Variants in OS9 observed in about 807,000 individuals in gnomAD.
The protein encoded by OS9 is OS9 endoplasmic reticulum lectin.
OS9 carries 58 observed loss-of-function variants against 84.7 expected under a neutral mutation model. The observed-to-expected ratio is 0.68, with a 90% CI of 0.55 to 0.85. The LOEUF is 0.85. Ranked by LOEUF, OS9 falls within the 40% of genes least tolerant of loss-of-function variation. The pLI is 0.00. For synonymous variants in OS9, 278 were observed against 320.8 expected, an observed-to-expected ratio of 0.87 and a Z score of 1.43; for missense variants, 760 against 850.9, an observed-to-expected ratio of 0.89 and a Z score of 1.33.
Position 57,697,930 on chromosome 12 carries a change from C to T in OS9, c.579+1557C>T, listed in dbSNP as rs879902746. Among the ~76,000 whole-genome samples, 91 of 92,792 alleles carry T rather than the reference C, an allele frequency of 9.8e-4. 1 individual carries two copies. Among genetic ancestry groups the T allele is most frequent in the Non-Finnish European group, 1.5e-3 (63 of 42,840 alleles). 60.9% of individuals were successfully genotyped at this position (92,792 alleles called of 152,430 possible). A position where few individuals can be genotyped will look rare whatever the true frequency, so the allele number is the denominator to read the frequency against. ...GCAAACACACACACACACATACACA[C>T]ACACACACACACACACACACACACA... is the stretch of plus-strand genomic sequence containing the variant. On this transcript the variant is annotated intron_variant, in intron 5 of 14. Transcript: ENST00000315970.
Position 57,695,776 on chromosome 12 carries a change from TCAGA to T in OS9, c.340-1_342del. ...CCCCTGATTGTTTATTTTTTAATTG[TCAGA>T]CAAAGGACTGGTGGACATATGAATT... On this transcript the variant is annotated splice_acceptor_variant and splice_polypyrimidine_tract_variant and coding_sequence_variant and intron_variant, in exon 3 of 15. Transcript: ENST00000315970. LOFTEE classifies it high-confidence loss of function. 1 of 1,600,586 alleles carries T rather than the reference TCAGA, an allele frequency of 6.2e-7. No homozygotes were observed. Among genetic ancestry groups the T allele is most frequent in the Non-Finnish European group, 8.6e-7 (1 of 1,167,658 alleles).
intron 5 of OS9, among the ~76,000 whole-genome samples, chr12:57,710,660 A>C (rs2140317438): frequency 6.6e-6 from 1 of 152,290 alleles, no homozygotes; most frequent in Middle Eastern, 3.4e-3. Flanking sequence ...TTTAATGGCT[A>C]TTTTAAATTC....
In OS9 at chr12:57,717,000, C is replaced by T. The variant is rs923720265; in HGVS notation, c.1045+256C>T. Among the ~76,000 whole-genome samples the T allele has an allele frequency of 2.6e-5, 4 of 152,140 alleles. No homozygotes were observed. In the East Asian group the frequency reaches 7.7e-4, roughly 29 times the overall value. On this transcript the variant is annotated intron_variant, in intron 9 of 14. Coordinates refer to ENST00000315970, the MANE Select transcript of OS9 (RefSeq NM_006812.4). ...TACCCATAAAATGAGGGTAATAACC[C>T]CTACCTTAGAGGGTTGCATGGGATT...
intron 1 of OS9, 88 bp from the exon 2 acceptor site, chr12:57,694,661 TC>T: frequency 1.5e-6 from 2 of 1,335,504 alleles, no homozygotes; most frequent in Admixed American, 1.7e-5. Flanking sequence ...ACTGATCTCT[TC>T]CCCAGGGTTT....
At chr12:57,694,652 C>T (rs577969928) in intron 1 of OS9, 98 bp from the exon 2 acceptor site, 2 of 1,255,668 alleles carry the variant, frequency 1.6e-6, no homozygotes, top group Non-Finnish European at 2.3e-6. Context: ...CTGTCTTCGA[C>T]TGATCTCTTC....
intron 5 of OS9, among the ~76,000 whole-genome samples, chr12:57,703,023 C>T (rs1595040395): frequency 6.6e-6 from 1 of 151,974 alleles, no homozygotes; most frequent in Admixed American, 6.6e-5. Context: ...AGTATTTTCT[C>T]CCATCCTGTG....
rs573084602 is a variant in OS9 at position 57,710,865 on chromosome 12, C to A, written c.580-4895C>A. Among the ~76,000 whole-genome samples, 8 of 151,814 alleles carry A rather than the reference C, an allele frequency of 5.3e-5. No homozygotes were observed. In the South Asian group the frequency reaches 1.5e-3, roughly 28 times the overall value. ...GACCAGCTTGGCCCATATGGTGAAA[C>A]CCTGTCTCTACTAAAAATACAAAAA... On this transcript the variant is annotated intron_variant, in intron 5 of 14. Coordinates refer to ENST00000315970, the MANE Select transcript of OS9 (RefSeq NM_006812.4).
At chr12:57,712,848 A>G (rs1293846237) in intron 5 of OS9, among the ~76,000 whole-genome samples, 1 of 151,608 alleles carries the variant, frequency 6.6e-6, no homozygotes, top group Non-Finnish European at 1.5e-5. Context: ...ACACTAGATG[A>G]CAGTGGTTTC....
chr12:57,700,137 A>G (rs1953978026), intron 5 of OS9, among the ~76,000 whole-genome samples: 1 of 151,184 alleles, frequency 6.6e-6, no homozygotes, highest in Non-Finnish European at 1.5e-5. Context: ...GAAACTGGAA[A>G]TCTTTGAAGA....
chr12:57,696,315 C>T lies in OS9; in HGVS notation c.521C>T (p.Thr174Ile), dbSNP rs200411252. ...CGTCTTAAACGCTACCACAGCCAGA[C>T]CTATGGCAATGGGTCCAAGTGCGAC... ...QHRLKRYHSQTYGNGSKCDLN... is the reference protein window; with the variant it reads ...QHRLKRYHSQIYGNGSKCDLN... Residue 174 changes from threonine (T) to isoleucine (I), a missense_variant, in exon 5 of 15, where the codon ACC becomes ATC. By Grantham distance (89) the Thr-to-Ile change is moderately conservative. Transcript: ENST00000315970. 397 of 1,613,764 alleles carry T rather than the reference C, an allele frequency of 2.5e-4. No individual in the cohort carries two copies. The highest frequency in any genetic ancestry group is 1.0e-4 in the Non-Finnish European group (123 of 1,179,888).
At chr12:57,704,335 G>C (rs1039417980) in intron 5 of OS9, among the ~76,000 whole-genome samples, 1 of 152,130 alleles carries the variant, frequency 6.6e-6, no homozygotes, top group Non-Finnish European at 1.5e-5. Flanking sequence ...TCAGGAGTTC[G>C]AGACCAGCCT....
intron 5 of OS9, among the ~76,000 whole-genome samples, chr12:57,705,130 G>T (rs553088959): frequency 3.2e-4 from 49 of 152,114 alleles, no homozygotes; most frequent in African/African-American, 1.2e-3. Flanking sequence ...TCATTACCAC[G>T]TTGTTTTAAT....
intron 14 of OS9, 29 bp downstream of exon 14, chr12:57,720,547 C>G: frequency 6.6e-7 from 1 of 1,504,476 alleles, no homozygotes; most frequent in South Asian, 1.1e-5. Context: ...CGAGTCCTGG[C>G]CCCCAGCCCT....
chr12:57,718,849 G>T, intron 11 of OS9, 144 bp from the exon 12 acceptor site: 1 of 648,376 alleles, frequency 1.5e-6, no homozygotes, highest in Non-Finnish European at 2.7e-6. Context: ...AGGTTGCAGT[G>T]AGCCGAGACG....
At chr12:57,696,092 C>A in intron 4 of OS9, 54 bp downstream of exon 4, 1 of 1,413,130 alleles carries the variant, frequency 7.1e-7, no homozygotes, top group South Asian at 1.1e-5. Flanking sequence ...GGCTGAGAGC[C>A]CTGACAAGAA....
At chr12:57,698,104 A>C (rs149403164) in intron 5 of OS9, among the ~76,000 whole-genome samples, 3 of 152,120 alleles carry the variant, frequency 2.0e-5, no homozygotes, top group African/African-American at 7.2e-5. Flanking sequence ...GATGATGTCT[A>C]TCTTGTTTTC....
At chr12:57,719,350 T>C in intron 12 of OS9, 168 bp downstream of exon 12, 1 of 611,378 alleles carries the variant, frequency 1.6e-6, no homozygotes, top group Non-Finnish European at 2.9e-6. Flanking sequence ...CCATCATCCC[T>C]TTGCGTGTTT....
intron 14 of OS9, 55 bp downstream of exon 14, chr12:57,720,573 C>A: frequency 7.2e-7 from 1 of 1,385,688 alleles, no homozygotes; most frequent in Non-Finnish European, 1.0e-6. Flanking sequence ...AGTGGAGGTG[C>A]GGGCTTGCCC....
At chr12:57,704,460 C>T (rs910800261) in intron 5 of OS9, among the ~76,000 whole-genome samples, 5 of 152,014 alleles carry the variant, frequency 3.3e-5, no homozygotes, top group Admixed American at 1.3e-4. Context: ...TCGCTTGAAC[C>T]TGGGAGACGG....
Sources: allele counts gnomAD v4.1 joint callset (sites outside exome capture counted in the v4.1 genomes callset), GRCh38; gene constraint gnomAD v4.1.1; transcripts MANE v1.5; gene names NCBI Gene and HGNC (gene_info 2026-07-23, HGNC 2026-07-21).